MYO9B: variants seen among roughly 807,000 people sequenced by gnomAD.
MYO9B encodes myosin IXB.
In MYO9B, 71 loss-of-function variants were observed where a neutral mutation model predicts 229.5. The ratio of observed to expected loss-of-function variants is 0.31; its 90% CI spans 0.26 to 0.38. MYO9B has a LOEUF of 0.38. Among genes scored for constraint, MYO9B ranks in the 10% least tolerant of loss-of-function variants. The pLI is 1.00. For synonymous variants in MYO9B, 1,185 were observed against 1,235.8 expected, an observed-to-expected ratio of 0.96 and a Z score of 0.86; for missense variants, 2,255 against 2,920.5, an observed-to-expected ratio of 0.77 and a Z score of 5.25.
At chr19:17,107,523 G>C (rs2057804002) in intron 2 of MYO9B, among the ~76,000 whole-genome samples, 1 of 152,152 alleles carries the variant, frequency 6.6e-6, no homozygotes, top group South Asian at 2.1e-4. Context: ...AAGTGTTAGG[G>C]GCAAGGGAGT....
chr19:17,102,332 C>T lies in MYO9B; in HGVS notation c.615C>T (p.Asn205=). Residue 205 remains asparagine (N), a synonymous_variant, in exon 2 of 40, where the codon AAC becomes AAT. Coordinates refer to ENST00000682292, the MANE Select transcript of MYO9B (RefSeq NM_004145.4). ...CCAAGTACGTGAAGATGTATGAGAA[C>T]CAGCAGCTGGGCAAGCTGGAGCCAC... ...YNPKYVKMYE[N]QQLGKLEPHV... The T allele has an allele frequency of 1.2e-6, 2 of 1,614,074 alleles. No homozygotes were observed. Among genetic ancestry groups the T allele is most frequent in the Non-Finnish European group, 1.7e-6 (2 of 1,179,910 alleles).
intron 2 of MYO9B, 40 bp from the exon 3 acceptor site, chr19:17,145,357 C>T (rs1452738354): frequency 2.6e-6 from 4 of 1,541,752 alleles, no homozygotes; most frequent in Non-Finnish European, 3.6e-6. Context: ...AAAGAAATTC[C>T]ACCCTCCTGA....
At position 17,212,220 on chromosome 19, in the gene MYO9B, A is replaced by G; in HGVS notation, c.6384A>G (p.Glu2128=). 1 of 1,583,634 alleles carries G rather than the reference A, an allele frequency of 6.3e-7. No homozygotes were observed. The highest frequency in any genetic ancestry group is 8.6e-7 in the Non-Finnish European group (1 of 1,166,614). The change falls in exon 40 of 40, where the codon GAA becomes GAG. Residue 2128 remains glutamate (E), a synonymous_variant. Transcript: ENST00000682292. The surrounding 1 kb of genome is among the most constrained non-coding windows in gnomAD (Gnocchi z 5.4). The part of the protein sequence containing the change: ...LPVQGALEPL[E]EDGQPPGAKR... ...TGCAGGGCGCCCTGGAGCCCCTAGA[A>G]GAGGATGGCCAGCCACCTGGGGCCA...
At chr19:17,165,346 C>T (rs1053048426) in intron 10 of MYO9B, among the ~76,000 whole-genome samples, 32 of 149,758 alleles carry the variant, frequency 2.1e-4, no homozygotes, top group South Asian at 4.2e-4. Flanking sequence ...GGGTGACAGA[C>T]GAGACCCTGT....
intron 2 of MYO9B, among the ~76,000 whole-genome samples, chr19:17,107,863 A>G (rs2057807070): frequency 6.6e-6 from 1 of 152,222 alleles, no homozygotes; most frequent in Non-Finnish European, 1.5e-5. Flanking sequence ...AAATAAGGTC[A>G]CATACACAGT....
intron 22 of MYO9B, 109 bp from the exon 23 acceptor site, chr19:17,197,683 C>A: frequency 1.6e-6 from 2 of 1,267,376 alleles, no homozygotes; most frequent in African/African-American, 1.5e-5. Context: ...TGCCAAGTGT[C>A]CCCTGGCAGG....
chr19:17,128,756 G>A (rs7254359), intron 2 of MYO9B, among the ~76,000 whole-genome samples: 74,861 of 152,140 alleles, frequency 0.49, 18,563 homozygotes, highest in Non-Finnish European at 0.5. Flanking sequence ...GGAACTTGGA[G>A]AATACAGGAA....
Position 17,191,161 on chromosome 19 carries a change from C to T in MYO9B, c.2753C>T (p.Ser918Phe). 6.2e-7 allele frequency: 1 copy of T among 1,612,518 alleles called. No homozygotes were observed. The highest frequency in any genetic ancestry group is 8.5e-7 in the Non-Finnish European group (1 of 1,179,210). ...GCCCAGCCCTGCAGGGAGGTCATCT[C>T]CACCCTCCTGGAGAAAATGAAGATA... ...KDAQPCREVI[S>F]TLLEKMKIDK... Residue 918 changes from serine to phenylalanine, a missense_variant, in exon 20 of 40, where the codon TCC becomes TTC. Around this residue, in one of 7 missense-constraint regions of MYO9B, gnomAD observed 679 missense variants for 770.2 expected, o/e 0.88. Coordinates refer to ENST00000682292, the MANE Select transcript of MYO9B (RefSeq NM_004145.4).
At chr19:17,105,385 C>A (rs1372176753) in intron 2 of MYO9B, among the ~76,000 whole-genome samples, 1 of 149,834 alleles carries the variant, frequency 6.7e-6, no homozygotes, top group African/African-American at 2.5e-5. Flanking sequence ...GTCCCCCCTA[C>A]GTGGGAGTCT....
At chr19:17,098,582 G>A (rs2057714623) in intron 1 of MYO9B, among the ~76,000 whole-genome samples, 1 of 152,168 alleles carries the variant, frequency 6.6e-6, no homozygotes, top group Non-Finnish European at 1.5e-5. Context: ...CCCTAGGTGG[G>A]CTGGCACCAG....
chr19:17,102,747 AAAAT>A (rs1359059430), intron 2 of MYO9B, among the ~76,000 whole-genome samples, 190 bp downstream of exon 2: 1 of 151,120 alleles, frequency 6.6e-6, no homozygotes, highest in Non-Finnish European at 1.5e-5. Context: ...CAAAAAAAAA[AAAAT>A]AATTAGCCAG....
At chr19:17,129,595 C>T (rs1258354343) in intron 2 of MYO9B, among the ~76,000 whole-genome samples, 2 of 152,156 alleles carry the variant, frequency 1.3e-5, no homozygotes, top group African/African-American at 2.4e-5. Context: ...CAGCCTCCTG[C>T]TCTTGGACTT....
At chr19:17,187,272 CCTGGGACACCTCCCAT>C (rs2072928869) in intron 18 of MYO9B, among the ~76,000 whole-genome samples, 1 of 152,252 alleles carries the variant, frequency 6.6e-6, no homozygotes, top group African/African-American at 2.4e-5. Flanking sequence ...TCTCCTCTCT[CCTGGGACACCTCCCAT>C]GGGGTGCTGG....
chr19:17,188,053 A>G lies in MYO9B; in HGVS notation c.2688+8A>G. 1.3e-6 allele frequency: 2 copies of G among 1,574,888 alleles called. No homozygotes were observed. The highest frequency in any genetic ancestry group is 3.3e-4 in the Middle Eastern group (2 of 6,022). On this transcript the variant is annotated splice_region_variant and intron_variant, in intron 19 of 39. Coordinates refer to ENST00000682292, the MANE Select transcript of MYO9B (RefSeq NM_004145.4). ...GCCAAGTACACGTTCCAGGTAGGCCACAAGCACATATACCTGGACACACCT... is the reference window on the plus strand; with the variant it reads ...GCCAAGTACACGTTCCAGGTAGGCCGCAAGCACATATACCTGGACACACCT...
chr19:17,176,210 T>C (rs1244286123), intron 14 of MYO9B, among the ~76,000 whole-genome samples: 5 of 152,128 alleles, frequency 3.3e-5, no homozygotes, highest in African/African-American at 4.8e-5. Context: ...CTTTTGTATT[T>C]TTTTTTAACT....
rs2073248054 is a variant in MYO9B, at chr19:17,212,949, G to T, written c.*639G>T. 1 of 152,298 alleles carries T rather than the reference G, an allele frequency of 6.6e-6. No homozygotes were observed. The highest frequency in any genetic ancestry group is 1.5e-5 in the Non-Finnish European group (1 of 68,092). 9.4% of individuals were successfully genotyped at this position (152,298 alleles called of 1,614,324 possible). ...CCATGGGGGTCTGGGCTATTGGCTGGAGCCAGGACATGAGTCAGGGGCACC... is the reference window on the plus strand; with the variant it reads ...CCATGGGGGTCTGGGCTATTGGCTGTAGCCAGGACATGAGTCAGGGGCACC... On this transcript the variant is annotated 3_prime_UTR_variant, in exon 40 of 40. Coordinates refer to ENST00000682292, the MANE Select transcript of MYO9B (RefSeq NM_004145.4). The surrounding 1 kb of genome is among the most constrained non-coding windows in gnomAD (Gnocchi z 5.4).
At position 17,157,347 on chromosome 19, in the gene MYO9B, G is replaced by A. The variant is rs547459162; in HGVS notation, c.1329+309G>A. ...AGGTGGGCGGATGACCTGAGGTCAG[G>A]AGTTCGAGATCAGATTGGCTAACAT... On this transcript the variant is annotated intron_variant, in intron 7 of 39. Transcript: ENST00000682292. The A allele has an allele frequency of 2.6e-5, 7 of 268,082 alleles. No individual in the cohort carries two copies. The South Asian group carries it at 3.9e-4, about 15-fold the overall frequency. 16.6% of individuals were successfully genotyped at this position (268,082 alleles called of 1,614,324 possible). A position where few individuals can be genotyped will look rare whatever the true frequency, so the allele number is the denominator to read the frequency against.
intron 1 of MYO9B, among the ~76,000 whole-genome samples, chr19:17,077,047 G>GA: frequency 6.6e-6 from 1 of 152,316 alleles, no homozygotes; most frequent in Middle Eastern, 3.4e-3. Context: ...TCCAGCCAGA[G>GA]AGTCCCAACT....
chr19:17,076,290 C>T (rs903772016), intron 1 of MYO9B, among the ~76,000 whole-genome samples: 1 of 151,634 alleles, frequency 6.6e-6, no homozygotes, highest in African/African-American at 2.4e-5. Context: ...GGTGCGAGAC[C>T]GATCTGGGGA....
Sources: allele counts gnomAD v4.1 joint callset (sites outside exome capture counted in the v4.1 genomes callset), GRCh38; gene constraint gnomAD v4.1.1; regional missense constraint gnomAD v4.1.1; non-coding constraint Gnocchi (gnomAD v3.1); transcripts MANE v1.5; gene names NCBI Gene and HGNC (gene_info 2026-07-23, HGNC 2026-07-21).